Variants in TBCK observed in about 807,000 individuals in gnomAD.
TBCK encodes the protein TBC1 domain containing kinase, also known as TBC domain-containing protein kinase-like protein.
TBCK carries 99 observed loss-of-function variants against 113.4 expected under a neutral mutation model. That is an observed-to-expected ratio of 0.87 (90% confidence interval 0.74 to 1.03). The LOEUF is 1.03. Among genes scored for constraint, TBCK ranks in the 50% least tolerant of loss-of-function variants. The pLI is 0.00. For missense variants in TBCK, 1,045 were observed against 1,061.3 expected (o/e 0.98, Z 0.21); for synonymous variants, 369 against 370.8 (o/e 1.00, Z 0.05).
intron 22 of TBCK, among the ~76,000 whole-genome samples, chr4:106,188,898 CT>C (rs1438409354): frequency 6.6e-6 from 1 of 152,166 alleles, no homozygotes; most frequent in Non-Finnish European, 1.5e-5. Flanking sequence ...AGTCATGCTC[CT>C]GGCTGCTATT....
chr4:106,313,670 T>C (rs1360219818), intron 1 of TBCK, among the ~76,000 whole-genome samples: 1 of 152,182 alleles, frequency 6.6e-6, no homozygotes, highest in Non-Finnish European at 1.5e-5. Flanking sequence ...AGGACTAGAA[T>C]GCAATCTGTT....
chr4:106,049,667 CTG>C (rs1201735067), intron 25 of TBCK, among the ~76,000 whole-genome samples: 3 of 152,034 alleles, frequency 2.0e-5, no homozygotes, highest in Middle Eastern at 6.8e-3. Flanking sequence ...GGGCTTTTGA[CTG>C]TATACTCCAC....
upstream of TBCK, chr4:106,316,355 A>AGG (rs1768870928): frequency 1.7e-6 from 1 of 580,562 alleles, no homozygotes; most frequent in South Asian, 2.1e-5. Flanking sequence ...GTGCGGGGGG[A>AGG]CGGGGGGGGT....
intron 25 of TBCK, among the ~76,000 whole-genome samples, chr4:106,072,412 T>G (rs1255214702): frequency 6.6e-6 from 1 of 152,194 alleles, no homozygotes; most frequent in Admixed American, 6.5e-5. Flanking sequence ...TTGAGAATGT[T>G]GAATATTGGC....
intron 25 of TBCK, among the ~76,000 whole-genome samples, chr4:106,086,759 G>A (rs1406882337): frequency 6.6e-6 from 1 of 152,138 alleles, no homozygotes; most frequent in Non-Finnish European, 1.5e-5. Context: ...TCATCCCTGC[G>A]ATGTAAAGCT....
At chr4:106,233,808 C>T (rs1011447781) in intron 15 of TBCK, among the ~76,000 whole-genome samples, 158 bp from the exon 16 acceptor site, 2 of 151,984 alleles carry the variant, frequency 1.3e-5, no homozygotes, top group Non-Finnish European at 2.9e-5. Flanking sequence ...AAGAGAAATT[C>T]TCTGTGTCTT....
intron 2 of TBCK, among the ~76,000 whole-genome samples, chr4:106,301,758 C>T (rs1041018609): frequency 6.6e-6 from 1 of 152,116 alleles, no homozygotes; most frequent in South Asian, 2.1e-4. Flanking sequence ...TTAACAATAA[C>T]ATGCAGGGTG....
intron 23 of TBCK, among the ~76,000 whole-genome samples, chr4:106,125,009 A>G (rs1191171461): frequency 6.6e-6 from 1 of 152,262 alleles, no homozygotes; most frequent in South Asian, 2.1e-4. Flanking sequence ...AAAAAAAAAA[A>G]AAAAAACACA....
At chr4:106,129,586 T>C (rs1441996928) in intron 23 of TBCK, among the ~76,000 whole-genome samples, 1 of 152,142 alleles carries the variant, frequency 6.6e-6, no homozygotes, top group Admixed American at 6.6e-5. Context: ...AAGATGTCCT[T>C]CTTGTAACAA....
At position 106,247,144 on chromosome 4, in the gene TBCK, C is replaced by T. The variant is rs1760907577; in HGVS notation, c.926G>A (p.Cys309Tyr). Residue 309 changes from cysteine (C) to tyrosine (Y), a missense_variant, in exon 10 of 26, where the codon TGT (cysteine) becomes TAT (tyrosine). Physicochemically the swap from Cys to Tyr is radical, Grantham distance 194. Transcript: ENST00000394708. The stretch of plus-strand genomic sequence containing the variant: ...ATGCTTTAATTTATCATTACCTTTA[C>T]ACAACTGACTGATATCCTCAGGCAG... ...LTLPEDISQL[C>Y]KDINNDYLAE... The T allele has an allele frequency of 6.2e-7, 1 of 1,611,418 alleles. No homozygotes were observed.
chr4:106,075,657 T>TTA (rs1023778428), intron 25 of TBCK, among the ~76,000 whole-genome samples: 7 of 152,186 alleles, frequency 4.6e-5, no homozygotes, highest in African/African-American at 1.7e-4. Context: ...ACCTATTGAC[T>TTA]TATATATATG....
At position 106,212,757 on chromosome 4, in the gene TBCK, A is replaced by G. The variant is rs1756307711; in HGVS notation, c.1853T>C (p.Ile618Thr). The G allele has an allele frequency of 6.2e-7, 1 of 1,608,560 alleles. No homozygotes were observed. Among genetic ancestry groups the G allele is most frequent in the African/African-American group, 1.3e-5 (1 of 74,720 alleles). Residue 618 changes from isoleucine (I) to threonine (T), a missense_variant, in exon 20 of 26, where the codon ATT becomes ACT. Physicochemically the swap from Ile to Thr is moderately conservative, Grantham distance 89. Coordinates refer to ENST00000394708, the MANE Select transcript of TBCK (RefSeq NM_001163435.3). ...AATGCACCAAGTACTTACATCTGGA[A>G]TGAAACCAATCTCATTGAGATGATT... ...LSNHLNEIGF[I>T]PDLYAIPWFL...
At position 106,295,182 on chromosome 4, in the gene TBCK, C is replaced by T; in HGVS notation, c.194-16G>A. 1.2e-6 allele frequency: 2 copies of T among 1,608,068 alleles called. No homozygotes were observed. Among genetic ancestry groups the T allele is most frequent in the Non-Finnish European group, 1.7e-6 (2 of 1,177,698 alleles). On this transcript the variant is annotated splice_polypyrimidine_tract_variant and intron_variant, in intron 2 of 25. Transcript: ENST00000394708. ...ACTAGTCGTTCTGAGAAAAACAAAG[C>T]AAACCCATGTTATATTTTATCAATA...
At chr4:106,115,694 T>G (rs1743398868) in intron 24 of TBCK, among the ~76,000 whole-genome samples, 2 of 152,316 alleles carry the variant, frequency 1.3e-5, no homozygotes, top group South Asian at 4.1e-4. Flanking sequence ...CTAATGCCAA[T>G]CAAACCCACT....
intron 13 of TBCK, 106 bp downstream of exon 13, chr4:106,236,653 T>C: frequency 9.7e-7 from 1 of 1,031,270 alleles, no homozygotes; most frequent in Non-Finnish European, 1.3e-6. Context: ...CTCAGGTTAT[T>C]ATTTTCTATT....
intron 22 of TBCK, among the ~76,000 whole-genome samples, chr4:106,180,035 A>C (rs928339328): frequency 1.3e-5 from 2 of 151,990 alleles, no homozygotes; most frequent in Non-Finnish European, 2.9e-5. Context: ...AATCTATTTT[A>C]TCTGATATAT....
chr4:106,276,464 C>A (rs936124305), intron 3 of TBCK, among the ~76,000 whole-genome samples: 1 of 152,200 alleles, frequency 6.6e-6, no homozygotes, highest in Admixed American at 6.5e-5. Context: ...GTAGTCCCAG[C>A]TATTTGGGAG....
At chr4:106,196,173 C>A (rs1754214035) in intron 20 of TBCK, among the ~76,000 whole-genome samples, 1 of 151,688 alleles carries the variant, frequency 6.6e-6, no homozygotes, top group Non-Finnish European at 1.5e-5. Context: ...TATATACATA[C>A]ACACATATAT....
At chr4:106,139,840 A>G (rs1746985120) in intron 23 of TBCK, among the ~76,000 whole-genome samples, 1 of 141,130 alleles carries the variant, frequency 7.1e-6, no homozygotes, top group African/African-American at 2.5e-5. Flanking sequence ...CTCAGGGGTA[A>G]GCTAATTATT....
Sources: allele counts gnomAD v4.1 joint callset (sites outside exome capture counted in the v4.1 genomes callset), GRCh38; gene constraint gnomAD v4.1.1; transcripts MANE v1.5; gene names NCBI Gene and HGNC (gene_info 2026-07-23, HGNC 2026-07-21).